The following VPS13C variants were observed in gnomAD, a reference collection of about 807,000 sequenced individuals.
VPS13C encodes intermembrane lipid transfer protein VPS13C.
In VPS13C, 358 loss-of-function variants were observed where a neutral mutation model predicts 456.8. The ratio of observed to expected loss-of-function variants is 0.78; its 90% CI spans 0.72 to 0.86. The LOEUF is 0.86. VPS13C is among the 40% of genes least tolerant of loss of function. The probability of loss-of-function intolerance (pLI) is 0.00; values close to 1 mark genes in which losing one functional copy is unlikely to be tolerated. For synonymous variants in VPS13C, 1,578 were observed against 1,486.7 expected (o/e 1.06, Z -1.41); for missense variants, 4,818 against 4,385.4 (o/e 1.10, Z -2.79).
intron 74 of VPS13C, among the ~76,000 whole-genome samples, chr15:61,877,464 T>A (rs1027952167): frequency 1.4e-5 from 2 of 146,364 alleles, no homozygotes; most frequent in Non-Finnish European, 3.1e-5. Flanking sequence ...AACGGATGCA[T>A]AGCATGCTAC....
intron 3 of VPS13C, among the ~76,000 whole-genome samples, chr15:62,035,599 C>T (rs2047967295): frequency 6.6e-6 from 1 of 151,922 alleles, no homozygotes; most frequent in African/African-American, 2.4e-5. Flanking sequence ...TGCAAAGGAA[C>T]TTTGTGCAAA....
chr15:61,927,538 C>A (rs981332459), intron 51 of VPS13C, among the ~76,000 whole-genome samples: 6 of 152,184 alleles, frequency 3.9e-5, no homozygotes, highest in Admixed American at 1.3e-4. Context: ...CCCAAGAATA[C>A]CATTACCACT....
intron 25 of VPS13C, 110 bp from the exon 26 acceptor site, chr15:61,973,642 C>A: frequency 1.4e-6 from 1 of 739,554 alleles, no homozygotes; most frequent in Non-Finnish European, 2.4e-6. Context: ...TATGGAAAGA[C>A]ACATACACAC....
At chr15:61,924,774 T>C (rs1374329753) in intron 53 of VPS13C, among the ~76,000 whole-genome samples, 1 of 152,172 alleles carries the variant, frequency 6.6e-6, no homozygotes, top group Non-Finnish European at 1.5e-5. Flanking sequence ...GTCACGGACC[T>C]ATATAAGTAA....
At chr15:61,919,815 A>G (rs887910647) in intron 57 of VPS13C, among the ~76,000 whole-genome samples, 1 of 147,600 alleles carries the variant, frequency 6.8e-6, no homozygotes, top group Non-Finnish European at 1.5e-5. Flanking sequence ...TATATATATA[A>G]TATTTATATA....
chr15:61,984,301 C>T (rs1268630388), intron 19 of VPS13C, among the ~76,000 whole-genome samples: 1 of 152,152 alleles, frequency 6.6e-6, no homozygotes, highest in Non-Finnish European at 1.5e-5. Flanking sequence ...TAAAAGATCA[C>T]ACGACATGGA....
intron 61 of VPS13C, among the ~76,000 whole-genome samples, chr15:61,915,200 G>A (rs934155829): frequency 6.6e-6 from 1 of 152,192 alleles, no homozygotes; most frequent in African/African-American, 2.4e-5. Context: ...GAAGAGGAAA[G>A]AAGAGACCAG....
Position 61,949,572 on chromosome 15 carries a change from A to G in VPS13C, c.4630T>C (p.Leu1544=). The change falls in exon 42 of 85, where the codon TTG becomes CTG. Residue 1544 remains leucine, a synonymous_variant. Coordinates refer to ENST00000644861, the MANE Select transcript of VPS13C (RefSeq NM_020821.3). ...TCCATGAAGGAAAGTAAAGCTTCCAAATGAAGTACTAAGTCTAAGGATGCA... is the reference window on the plus strand; with the variant it reads ...TCCATGAAGGAAAGTAAAGCTTCCAGATGAAGTACTAAGTCTAAGGATGCA... The part of the protein sequence containing the change: ...SFASLDLVLH[L]EALLSFMDFL... 6.2e-7 allele frequency: 1 copy of G among 1,611,500 alleles called. No homozygotes were observed. Among genetic ancestry groups the G allele is most frequent in the Non-Finnish European group, 8.5e-7 (1 of 1,179,446 alleles).
rs201770500 is a variant in VPS13C, at chr15:61,951,042, C to CA, written c.4457-19dup. On this transcript the variant is annotated intron_variant, in intron 39 of 84. Coordinates refer to ENST00000644861, the MANE Select transcript of VPS13C (RefSeq NM_020821.3). ...TTTAGAGTCTAAAAGAGAAAAAAGACAAAGTTGATCCATCAATTAAACATT... is the reference window on the plus strand; with the variant it reads ...TTTAGAGTCTAAAAGAGAAAAAAGACAAAAGTTGATCCATCAATTAAACATT... The CA allele has an allele frequency of 0.021, 31,218 of 1,487,058 alleles. 442 individuals carry two copies. The highest frequency in any genetic ancestry group is 0.023 in the Non-Finnish European group (25,325 of 1,090,594). 92.1% of individuals were successfully genotyped at this position (1,487,058 alleles called of 1,614,324 possible).
chr15:61,997,938 T>C (rs2046446546), intron 16 of VPS13C, among the ~76,000 whole-genome samples: 3 of 152,162 alleles, frequency 2.0e-5, no homozygotes, highest in Admixed American at 2.0e-4. Context: ...TACTATTAGT[T>C]TCCCAATTCA....
intron 48 of VPS13C, among the ~76,000 whole-genome samples, chr15:61,934,973 G>C (rs1303038653): frequency 6.6e-6 from 1 of 151,978 alleles, no homozygotes; most frequent in Non-Finnish European, 1.5e-5. Context: ...GGCAGGTCTC[G>C]ATCTCCTGAC....
intron 16 of VPS13C, among the ~76,000 whole-genome samples, chr15:61,996,501 A>T (rs1353266613): frequency 1.3e-5 from 2 of 152,194 alleles, no homozygotes; most frequent in African/African-American, 4.8e-5. Flanking sequence ...AATGTAAACA[A>T]TTCTCAAGGA....
intron 42 of VPS13C, among the ~76,000 whole-genome samples, chr15:61,948,407 C>T (rs771132213): frequency 2.0e-5 from 3 of 152,116 alleles, no homozygotes; most frequent in African/African-American, 4.8e-5. Context: ...TCCGGCCGGG[C>T]GTGGTGGCTC....
intron 9 of VPS13C, among the ~76,000 whole-genome samples, chr15:62,020,211 C>T (rs2047411127): frequency 1.3e-5 from 2 of 151,786 alleles, no homozygotes; most frequent in South Asian, 4.2e-4. Flanking sequence ...CCCTACTTCC[C>T]CCACATGTTT....
rs1286233414 is a variant in VPS13C, at chr15:61,921,862, C to G, written c.7062+85G>C. The G allele has an allele frequency of 5.7e-6, 8 of 1,399,278 alleles. No individual in the cohort carries two copies. The East Asian group carries it at 1.6e-4, about 28-fold the overall frequency. The allele number at this position is 1,399,278 out of a possible 1,614,324, so 86.7% of individuals were successfully genotyped here. ...TAAAAGGGCTTCAAGGATCCTAGAC[C>G]ACATCTTAAGAATCACTGAAATAAA... On this transcript the variant is annotated intron_variant, in intron 55 of 84. Coordinates refer to ENST00000644861, the MANE Select transcript of VPS13C (RefSeq NM_020821.3).
chr15:62,017,082 G>A lies in VPS13C; in HGVS notation c.685-3090C>T, dbSNP rs1382404355. The stretch of plus-strand genomic sequence containing the variant: ...GCATAAATGTCTTCTTTTGAGAAGC[G>A]TCTTCTTTTGAGAAGTGTCTGTTCA... On this transcript the variant is annotated intron_variant, in intron 9 of 84. Coordinates refer to ENST00000644861, the MANE Select transcript of VPS13C (RefSeq NM_020821.3). Among the ~76,000 whole-genome samples the A allele has an allele frequency of 4.6e-5, 7 of 152,264 alleles. No individual in the cohort carries two copies. The East Asian group carries it at 7.7e-4, about 17-fold the overall frequency.
intron 35 of VPS13C, among the ~76,000 whole-genome samples, chr15:61,960,679 C>T (rs546497717): frequency 2.6e-5 from 4 of 152,130 alleles, no homozygotes; most frequent in Non-Finnish European, 5.9e-5. Context: ...CAAATATAAA[C>T]AACTGGTGAA....
chr15:61,981,320 A>G, intron 22 of VPS13C, 22 bp downstream of exon 22: 1 of 1,571,294 alleles, frequency 6.4e-7, no homozygotes, highest in Non-Finnish European at 8.6e-7. Flanking sequence ...ATGGGCAGAC[A>G]AAAAAACGCA....
rs1446310927 is a variant in VPS13C, at chr15:61,941,771, C to T, written c.5445G>A (p.Lys1815=). 2 of 1,609,852 alleles carry T rather than the reference C, an allele frequency of 1.2e-6. No homozygotes were observed. Among genetic ancestry groups the T allele is most frequent in the Non-Finnish European group, 1.7e-6 (2 of 1,177,690 alleles). ...AGATTACATATTTATACCTTGACAG[C>T]TTCAACTGAGTGAGTTCGATGTTCA... ...DKMNIELTQL[K]LSRTILQASL... is the part of the protein sequence containing the mutation. Residue 1815 remains lysine (K), a synonymous_variant, in exon 46 of 85, where the codon AAG becomes AAA. Transcript: ENST00000644861.
Sources: gnomAD v4.1 joint callset for allele counts (sites outside exome capture counted in the v4.1 genomes callset) on GRCh38, gnomAD v4.1.1 for gene constraint, MANE v1.5 for transcripts, NCBI Gene and HGNC (gene_info 2026-07-23, HGNC 2026-07-21) for gene names.